CLIP1: variants seen among roughly 807,000 people sequenced by gnomAD.
The protein encoded by CLIP1 is CAP-Gly domain containing linker protein 1.
A neutral mutation model predicts 161.6 loss-of-function variants in CLIP1; 66 were observed. The ratio of observed to expected loss-of-function variants is 0.41; its 90% CI spans 0.33 to 0.50. The LOEUF (loss-of-function observed/expected upper bound fraction) is 0.50, where lower values mean the gene tolerates loss of function less well. CLIP1 is among the 20% of genes least tolerant of loss of function. CLIP1 has a pLI of 0.27. For missense variants in CLIP1, 1,376 were observed against 1,702.0 expected, an observed-to-expected ratio of 0.81 and a Z score of 3.37; for synonymous variants, 598 against 626.2, an observed-to-expected ratio of 0.96 and a Z score of 0.67.
chr12:122,347,227 T>C (rs1450290223), intron 10 of CLIP1, 148 bp downstream of exon 10: 1 of 548,866 alleles, frequency 1.8e-6, no homozygotes, highest in East Asian at 2.6e-5. Context: ...TACTCATCAG[T>C]CTCAGCTCAC....
At chr12:122,293,840 T>C (rs1489351733) in intron 20 of CLIP1, among the ~76,000 whole-genome samples, 4 of 147,194 alleles carry the variant, frequency 2.7e-5, no homozygotes, top group African/African-American at 1.0e-4. Context: ...AGTCTTGCTC[T>C]GTTGCCCAGG....
intron 20 of CLIP1, among the ~76,000 whole-genome samples, chr12:122,293,053 T>A (rs1246105340): frequency 7.4e-6 from 1 of 135,514 alleles, no homozygotes; most frequent in East Asian, 2.0e-4. Context: ...AATCCACAGA[T>A]GGGGAGAAAA....
chr12:122,319,874 G>A (rs944638991), intron 17 of CLIP1, among the ~76,000 whole-genome samples: 1 of 152,176 alleles, frequency 6.6e-6, no homozygotes, highest in South Asian at 2.1e-4. Flanking sequence ...TGTTTAACGA[G>A]AAGCATTTAA....
chr12:122,334,000 G>A (rs1195290485), intron 14 of CLIP1, 27 bp downstream of exon 14: 1 of 1,407,804 alleles, frequency 7.1e-7, no homozygotes, highest in African/African-American at 1.4e-5. Flanking sequence ...TGTATTTAAT[G>A]TTTAGTCACC....
At chr12:122,289,725 T>C (rs1017647105) in intron 20 of CLIP1, among the ~76,000 whole-genome samples, 3 of 151,642 alleles carry the variant, frequency 2.0e-5, no homozygotes, top group African/African-American at 7.3e-5. Flanking sequence ...GTTAATCTTG[T>C]GAAGGAGGAA....
In CLIP1 at chr12:122,328,295, T is replaced by C. The variant is rs1951789020; in HGVS notation, c.2999A>G (p.Glu1000Gly). ...CAATTTCCTCTCCAATTCTTTCTTT[T>C]CTTCCTCATGCTTTTTAGCTGCTTC... ...QQEAAKKHEE[E>G]KKELERKLSD... Residue 1000 changes from glutamate (E) to glycine (G), a missense_variant, in exon 16 of 26, where the codon GAA becomes GGA. Around this residue, in one of 6 missense-constraint regions of CLIP1, gnomAD observed 948 missense variants for 1,134.8 expected, o/e 0.84. Transcript: ENST00000620786. The C allele has an allele frequency of 6.2e-7, 1 of 1,614,058 alleles. No homozygotes were observed. The highest frequency in any genetic ancestry group is 8.5e-7 in the Non-Finnish European group (1 of 1,180,048).
At chr12:122,409,234 T>C (rs964043047) in intron 1 of CLIP1, among the ~76,000 whole-genome samples, 5 of 151,854 alleles carry the variant, frequency 3.3e-5, no homozygotes, top group African/African-American at 9.7e-5. Context: ...CAAGCGATTC[T>C]TCCGCCTCAG....
At chr12:122,345,099 C>G (rs1350645708) in intron 10 of CLIP1, among the ~76,000 whole-genome samples, 1 of 151,890 alleles carries the variant, frequency 6.6e-6, no homozygotes, top group Non-Finnish European at 1.5e-5. Flanking sequence ...TAAAGGAACT[C>G]AATCTCATTA....
At chr12:122,388,512 C>T (rs1261254367) in intron 1 of CLIP1, among the ~76,000 whole-genome samples, 4 of 152,150 alleles carry the variant, frequency 2.6e-5, no homozygotes, top group Non-Finnish European at 5.9e-5. Context: ...AGCCACCACC[C>T]GGCCAACTAT....
At chr12:122,327,796 A>G in intron 17 of CLIP1, 151 bp downstream of exon 17, 1 of 641,360 alleles carries the variant, frequency 1.6e-6, no homozygotes, top group Non-Finnish European at 2.7e-6. Flanking sequence ...TAGGAAATGT[A>G]ATGTACCACC....
At chr12:122,319,528 T>C (rs1158155241) in intron 17 of CLIP1, among the ~76,000 whole-genome samples, 180 bp from the exon 18 acceptor site, 1 of 152,258 alleles carries the variant, frequency 6.6e-6, no homozygotes, top group Non-Finnish European at 1.5e-5. Flanking sequence ...GAAAGGTCTT[T>C]ACTCTGAAGT....
chr12:122,420,960 T>C (rs914881458), intron 1 of CLIP1, among the ~76,000 whole-genome samples: 3 of 151,104 alleles, frequency 2.0e-5, no homozygotes, highest in Non-Finnish European at 2.9e-5. Flanking sequence ...GATTGATGGA[T>C]GGATAGACAG....
chr12:122,387,580 ATATATATATATTT>A (rs1252827079), intron 1 of CLIP1, among the ~76,000 whole-genome samples: 1 of 3,084 alleles, frequency 3.2e-4, no homozygotes, highest in African/African-American at 5.5e-4. Flanking sequence ...ATATATATAT[ATATATATATATTT>A]TTTTTTTTTT....
chr12:122,399,135 G>T (rs146664074), intron 1 of CLIP1, among the ~76,000 whole-genome samples: 224 of 152,174 alleles, frequency 1.5e-3, no homozygotes, highest in Non-Finnish European at 2.7e-3. Context: ...AAATAAAAAA[G>T]TATGAACAGA....
chr12:122,337,285 T>TA (rs1425936253), intron 11 of CLIP1, among the ~76,000 whole-genome samples: 3 of 151,720 alleles, frequency 2.0e-5, no homozygotes, highest in Non-Finnish European at 2.9e-5. Flanking sequence ...CTATCTCTAC[T>TA]AAAAATACAA....
chr12:122,336,756 A>G lies in CLIP1; in HGVS notation c.2452-8T>C, dbSNP rs984135741. The stretch of plus-strand genomic sequence containing the variant: ...TCTGGTAATGCTACTAGCCTAACAC[A>G]CAGTGTTACATGGTATAGAAGCAAA... On this transcript the variant is annotated splice_region_variant and splice_polypyrimidine_tract_variant and intron_variant, in intron 11 of 25. Transcript: ENST00000620786. 7.5e-7 allele frequency: 1 copy of G among 1,337,082 alleles called. No individual in the cohort carries two copies. Among genetic ancestry groups the G allele is most frequent in the Non-Finnish European group, 1.1e-6 (1 of 935,992 alleles). 82.8% of individuals were successfully genotyped at this position (1,337,082 alleles called of 1,614,324 possible). A position where few individuals can be genotyped will look rare whatever the true frequency, so the allele number is the denominator to read the frequency against.
chr12:122,367,550 T>C (rs1220914092), intron 3 of CLIP1, among the ~76,000 whole-genome samples: 1 of 152,234 alleles, frequency 6.6e-6, no homozygotes, highest in Non-Finnish European at 1.5e-5. Context: ...TTAGGTTTTA[T>C]TTCTCATGTG....
At position 122,279,955 on chromosome 12, in the gene CLIP1, A is replaced by T. The variant is rs1955578662; in HGVS notation, c.3648-810T>A. 6.6e-6 allele frequency: 1 copy of T among 152,408 alleles called. No individual in the cohort carries two copies. The allele number at this position is 152,408 out of a possible 1,614,324, so 9.4% of individuals were successfully genotyped here. ...AGGCCTTTAATGAGAGGGTTGTGGGAGTGAGAAGAGAAAGGGAAAGACGAA... is the reference window on the plus strand; with the variant it reads ...AGGCCTTTAATGAGAGGGTTGTGGGTGTGAGAAGAGAAAGGGAAAGACGAA... On this transcript the variant is annotated intron_variant, in intron 21 of 25. Coordinates refer to ENST00000620786, the MANE Select transcript of CLIP1 (RefSeq NM_001247997.2). This position sits in a 1 kb window ranked among gnomAD's most constrained non-coding sequence, Gnocchi z 4.5.
intron 4 of CLIP1, 33 bp from the exon 5 acceptor site, chr12:122,361,214 CAACTT>C (rs752307499): frequency 1.3e-6 from 2 of 1,509,866 alleles, no homozygotes; most frequent in African/African-American, 1.4e-5. Flanking sequence ...TAACAAAAAA[CAACTT>C]AATCACAAGA....
Sources: gnomAD v4.1 joint callset for allele counts (sites outside exome capture counted in the v4.1 genomes callset) on GRCh38, gnomAD v4.1.1 for gene constraint, gnomAD v4.1.1 regional missense constraint, Gnocchi (gnomAD v3.1) non-coding constraint, MANE v1.5 for transcripts, NCBI Gene and HGNC (gene_info 2026-07-23, HGNC 2026-07-21) for gene names.